LMBR1: variants seen among roughly 807,000 people sequenced by gnomAD.
LMBR1 encodes the protein limb development membrane protein 1, also known as limb region 1 protein homolog.
Under a neutral mutation model 73.9 loss-of-function variants are expected in LMBR1, and 52 were observed. The ratio of observed to expected loss-of-function variants is 0.70; its 90% CI spans 0.56 to 0.89. LMBR1 has a LOEUF of 0.89. LMBR1 is among the 40% of genes least tolerant of loss of function. The pLI is 0.00. For missense variants in LMBR1, 539 were observed against 579.8 expected, an observed-to-expected ratio of 0.93 and a Z score of 0.72; for synonymous variants, 215 against 209.4, an observed-to-expected ratio of 1.03 and a Z score of -0.23.
At chr7:156,886,409 A>G (rs1466611987) in intron 1 of LMBR1, among the ~76,000 whole-genome samples, 1 of 152,226 alleles carries the variant, frequency 6.6e-6, no homozygotes, top group Non-Finnish European at 1.5e-5. Flanking sequence ...ATACTTATCC[A>G]TATTCACTTG....
intron 4 of LMBR1, among the ~76,000 whole-genome samples, chr7:156,799,303 CTG>C (rs776647130): frequency 1.5e-4 from 23 of 152,268 alleles, no homozygotes; most frequent in South Asian, 8.3e-4. Context: ...TGTGACAACT[CTG>C]TGGTGAACAA....
chr7:156,686,551 G>A (rs1806060666), intron 16 of LMBR1, among the ~76,000 whole-genome samples: 1 of 152,090 alleles, frequency 6.6e-6, no homozygotes, highest in Admixed American at 6.5e-5. Context: ...AAAAACACTG[G>A]GGAAGAAAAG....
At chr7:156,738,393 T>A (rs1456055982) in intron 9 of LMBR1, among the ~76,000 whole-genome samples, 1 of 152,118 alleles carries the variant, frequency 6.6e-6, no homozygotes, top group Non-Finnish European at 1.5e-5. Flanking sequence ...CTAAGTAAAC[T>A]TGAAAAGCAG....
At chr7:156,857,982 T>C (rs1036257456) in intron 1 of LMBR1, among the ~76,000 whole-genome samples, 5 of 144,688 alleles carry the variant, frequency 3.5e-5, no homozygotes, top group African/African-American at 1.3e-4. Context: ...ACTGAATTGC[T>C]ACATTACAGA....
chr7:156,804,442 G>GA (rs1019647899), intron 4 of LMBR1, among the ~76,000 whole-genome samples: 7 of 152,194 alleles, frequency 4.6e-5, no homozygotes, highest in Non-Finnish European at 7.4e-5. Context: ...AACATTTTAA[G>GA]AAACTGCCAA....
intron 1 of LMBR1, among the ~76,000 whole-genome samples, chr7:156,881,841 A>T (rs1801144654): frequency 6.6e-6 from 1 of 152,140 alleles, no homozygotes; most frequent in South Asian, 2.1e-4. Context: ...AAGTGTTGAC[A>T]AGGCTGAAGA....
rs140442715 is a variant in LMBR1 at position 156,732,831 on chromosome 7, A to C, written c.838+1346T>G. On this transcript the variant is annotated intron_variant, in intron 10 of 16. Coordinates refer to ENST00000353442, the MANE Select transcript of LMBR1 (RefSeq NM_022458.4). ...AAGTAACTTAACTACATTTCAGAAC[A>C]AAGTTCCTCACTTACACAGCTACTA... 1.7e-4 allele frequency among the ~76,000 whole-genome samples: 26 copies of C among 152,328 alleles called. No homozygotes were observed. The East Asian group carries it at 5.0e-3, about 29-fold the overall frequency.
intron 1 of LMBR1, among the ~76,000 whole-genome samples, chr7:156,853,785 A>C (rs1460352174): frequency 6.6e-6 from 1 of 151,982 alleles, no homozygotes; most frequent in Non-Finnish European, 1.5e-5. Flanking sequence ...CCTCCCAAGT[A>C]GCTGGGATTA....
chr7:156,736,601 C>A (rs1461643784), intron 9 of LMBR1: 2 of 456,958 alleles, frequency 4.4e-6, no homozygotes, highest in African/African-American at 4.0e-5. Context: ...GGATTTCCCG[C>A]ACAAAGCATT....
At chr7:156,841,023 CA>C (rs1329886343) in intron 1 of LMBR1, among the ~76,000 whole-genome samples, 1 of 148,670 alleles carries the variant, frequency 6.7e-6, no homozygotes, top group African/African-American at 2.5e-5. Flanking sequence ...AGGACAGAGG[CA>C]AGGAGAGCAG....
chr7:156,676,452 T>C (rs1220626716), downstream of LMBR1: 4 of 1,613,990 alleles, frequency 2.5e-6, no homozygotes, highest in Admixed American at 5.0e-5. Context: ...GTGCTCCATC[T>C]GCCTGGCCCC....
chr7:156,887,605 T>C (rs973526141), intron 1 of LMBR1, among the ~76,000 whole-genome samples: 2 of 152,076 alleles, frequency 1.3e-5, no homozygotes, highest in Non-Finnish European at 2.9e-5. Context: ...ATGATGCCAG[T>C]TGGTGATGAA....
At chr7:156,799,047 A>G (rs1265057240) in intron 4 of LMBR1, among the ~76,000 whole-genome samples, 1 of 151,532 alleles carries the variant, frequency 6.6e-6, no homozygotes, top group Non-Finnish European at 1.5e-5. Context: ...CAAAAAAAAA[A>G]AAAAATTAGC....
intron 4 of LMBR1, among the ~76,000 whole-genome samples, chr7:156,811,821 C>T (rs1833144682): frequency 6.6e-6 from 1 of 152,132 alleles, no homozygotes; most frequent in Admixed American, 6.5e-5. Flanking sequence ...TCTTACAGTT[C>T]CAGGGACTAG....
In LMBR1 at chr7:156,679,516, G is replaced by C. The variant is rs552661921; in HGVS notation, c.*4562C>G. On this transcript the variant is annotated 3_prime_UTR_variant, in exon 17 of 17. Coordinates refer to ENST00000353442, the MANE Select transcript of LMBR1 (RefSeq NM_022458.4). The stretch of plus-strand genomic sequence containing the variant: ...AGAATCAATATAAATAGCTACAGCA[G>C]TATCAAATATGCTTGGTTCTGAAGT... The C allele has an allele frequency of 8.6e-6, 1 of 116,792 alleles. No homozygotes were observed. Among genetic ancestry groups the C allele is most frequent in the African/African-American group, 3.3e-5 (1 of 29,996 alleles). The allele number at this position is 116,792 out of a possible 1,614,324, so 7.2% of individuals were successfully genotyped here.
rs752319315 is a variant in LMBR1 at position 156,763,116 on chromosome 7, A to G, written c.611T>C (p.Leu204Ser). 1.4e-6 allele frequency: 2 copies of G among 1,390,124 alleles called. No individual in the cohort carries two copies. The highest frequency in any genetic ancestry group is 2.0e-6 in the Non-Finnish European group (2 of 994,028). The allele number at this position is 1,390,124 out of a possible 1,614,324, so 86.1% of individuals were successfully genotyped here. ...GTCTGAAAAATACTTACAGAGAAGT[A>G]ACAAACATCCCATCAATGATATACA... is the stretch of plus-strand genomic sequence containing the variant. ...YSCISLMGCL[L>S]LLLCTPVGLS... Residue 204 changes from leucine (L) to serine (S), a missense_variant, in exon 7 of 17, where the codon TTA (leucine) becomes TCA (serine). Coordinates refer to ENST00000353442, the MANE Select transcript of LMBR1 (RefSeq NM_022458.4).
chr7:156,876,266 T>A (rs1410699882), intron 1 of LMBR1, among the ~76,000 whole-genome samples: 1 of 152,074 alleles, frequency 6.6e-6, no homozygotes. Flanking sequence ...AAAAGGAAAG[T>A]ATCACAATCA....
intron 5 of LMBR1, chr7:156,779,611 A>G: frequency 9.6e-7 from 1 of 1,040,702 alleles, no homozygotes; most frequent in Non-Finnish European, 1.3e-6. Flanking sequence ...GGTCAATTAT[A>G]CATTTAATTC....
Position 156,724,178 on chromosome 7 carries a change from T to C in LMBR1, c.1159A>G (p.Ile387Val), listed in dbSNP as rs1181683607. 2 of 1,610,322 alleles carry C rather than the reference T, an allele frequency of 1.2e-6. No homozygotes were observed. Among genetic ancestry groups the C allele is most frequent in the Non-Finnish European group, 1.7e-6 (2 of 1,177,686 alleles). The change falls in exon 15 of 17, where the codon ATC becomes GTC. Residue 387 changes from isoleucine to valine, a missense_variant and splice_region_variant. Ile to Val is a conservative substitution (Grantham distance 29, BLOSUM62 3). Around this residue, in one of 3 missense-constraint regions of LMBR1, gnomAD observed 454 missense variants for 473.4 expected, o/e 0.96. Coordinates refer to ENST00000353442, the MANE Select transcript of LMBR1 (RefSeq NM_022458.4). ...PKKDDTTMTK[I>V]IGNCVSILVL... is the part of the protein sequence containing the mutation. Reference sequence around the variant, plus strand: ...AAGATGGACACACAATTTCCAATGATCTGTTATGAGAAACGAGAAAGAATA... The same window carrying C: ...AAGATGGACACACAATTTCCAATGACCTGTTATGAGAAACGAGAAAGAATA...
Sources: gnomAD v4.1 joint callset for allele counts (sites outside exome capture counted in the v4.1 genomes callset) on GRCh38, gnomAD v4.1.1 for gene constraint, gnomAD v4.1.1 regional missense constraint, MANE v1.5 for transcripts, NCBI Gene and HGNC (gene_info 2026-07-23, HGNC 2026-07-21) for gene names.